RNF152: variants seen among roughly 807,000 people sequenced by gnomAD.
RNF152 encodes E3 ubiquitin-protein ligase RNF152.
In RNF152, 11 loss-of-function variants were observed where a neutral mutation model predicts 12.7. The observed-to-expected ratio is 0.86, with a 90% CI of 0.54 to 1.43. The LOEUF is 1.43. Among genes scored for constraint, RNF152 ranks in the 40% most tolerant of loss-of-function variants. The pLI, the probability that RNF152 is intolerant of heterozygous loss-of-function variation, is 0.00. For missense variants in RNF152, 255 were observed against 274.8 expected, an observed-to-expected ratio of 0.93 and a Z score of 0.51; for synonymous variants, 113 against 120.3, an observed-to-expected ratio of 0.94 and a Z score of 0.40.
Position 61,813,302 on chromosome 18 carries a change from ACACACAC to A in RNF152, c.*2543_*2549del, listed in dbSNP as rs772341971. 1.8e-4 allele frequency: 27 copies of A among 151,482 alleles called. No homozygotes were observed. Among genetic ancestry groups the A allele is most frequent in the Non-Finnish European group, 3.2e-4 (22 of 67,884 alleles). The allele number at this position is 151,482 out of a possible 1,614,324, so 9.4% of individuals were successfully genotyped here. A position where few individuals can be genotyped will look rare whatever the true frequency, so the allele number is the denominator to read the frequency against. On this transcript the variant is annotated 3_prime_UTR_variant, in exon 2 of 2. Transcript: ENST00000312828. The stretch of plus-strand genomic sequence containing the variant: ...CTCACACACACACACACACACACAC[ACACACAC>A]ACACACATACACAAGAATGCACACC...
intron 1 of RNF152, among the ~76,000 whole-genome samples, chr18:61,848,238 C>CT (rs1393212439): frequency 6.6e-6 from 1 of 151,958 alleles, no homozygotes; most frequent in Non-Finnish European, 1.5e-5. Flanking sequence ...TCTGCCCTGT[C>CT]TCTCCCTCTC....
chr18:61,883,637 G>T (rs1053838341), intron 1 of RNF152, among the ~76,000 whole-genome samples: 1 of 152,158 alleles, frequency 6.6e-6, no homozygotes, highest in Admixed American at 6.5e-5. Flanking sequence ...AAAGTTCCAT[G>T]ACCCAGGTAT....
chr18:61,885,979 TGC>T (rs372103990), intron 1 of RNF152, among the ~76,000 whole-genome samples: 1 of 119,764 alleles, frequency 8.3e-6, no homozygotes. Flanking sequence ...TGCTTTCTTT[TGC>T]TTTCTTTTTT....
Position 61,826,581 on chromosome 18 carries a change from T to C in RNF152, c.-135-9983A>G, listed in dbSNP as rs1025877519. 1.1e-3 allele frequency among the ~76,000 whole-genome samples: 172 copies of C among 152,248 alleles called. 2 individuals are homozygous for C. Among genetic ancestry groups the C allele is most frequent in the Non-Finnish European group, 4.4e-4 (30 of 68,020 alleles). ...ATATAAACTTTTTTTCCTCTTTACA[T>C]GTTTTTGGTTACTTTCATTTGCACG... On this transcript the variant is annotated intron_variant, in intron 1 of 1. Transcript: ENST00000312828.
At position 61,813,756 on chromosome 18, in the gene RNF152, G is replaced by A. The variant is rs1464549806; in HGVS notation, c.*2096C>T. On this transcript the variant is annotated 3_prime_UTR_variant, in exon 2 of 2. Coordinates refer to ENST00000312828, the MANE Select transcript of RNF152 (RefSeq NM_173557.3). Reference sequence around the variant, plus strand: ...AAAATTGCAAGGGCAAAGTCTATTCGAAATGTAGCATTCTTAATGCAACAC... The same window carrying A: ...AAAATTGCAAGGGCAAAGTCTATTCAAAATGTAGCATTCTTAATGCAACAC... 3 of 152,142 alleles carry A rather than the reference G, an allele frequency of 2.0e-5. No individual in the cohort carries two copies. The highest frequency in any genetic ancestry group is 2.9e-5 in the Non-Finnish European group (2 of 68,022). 9.4% of individuals were successfully genotyped at this position (152,142 alleles called of 1,614,324 possible).
At position 61,815,933 on chromosome 18, in the gene RNF152, G is replaced by T. The variant is rs371471017; in HGVS notation, c.531C>A (p.Cys177Ter). 2.5e-5 allele frequency: 41 copies of T among 1,614,104 alleles called. No individual in the cohort carries two copies. Among genetic ancestry groups the T allele is most frequent in the Non-Finnish European group, 3.5e-5 (41 of 1,180,048 alleles). Residue 177 changes from cysteine to a stop codon, truncating the protein, a stop_gained, in exon 2 of 2, where the codon TGC becomes TGA. Transcript: ENST00000312828. LOFTEE classifies it high-confidence loss of function. ...CGATGCCGAGGAGGAAGACCAAGACGCAAGCCACCAAGATGACAGTGCACA... is the reference window on the plus strand; with the variant it reads ...CGATGCCGAGGAGGAAGACCAAGACTCAAGCCACCAAGATGACAGTGCACA... ...SGVCTVILVACVLVFLLGIVL... is the reference protein window; with the variant it reads ...SGVCTVILVA
intron 1 of RNF152, among the ~76,000 whole-genome samples, chr18:61,864,955 G>C (rs1193418509): frequency 6.6e-6 from 1 of 152,170 alleles, no homozygotes; most frequent in East Asian, 1.9e-4. Context: ...AGGAGGCGGA[G>C]GTTGCAGTGA....
chr18:61,815,720 C>G lies in RNF152; in HGVS notation c.*132G>C. The G allele has an allele frequency of 1.0e-6, 1 of 989,046 alleles. No individual in the cohort carries two copies. Among genetic ancestry groups the G allele is most frequent in the Non-Finnish European group, 1.5e-6 (1 of 658,632 alleles). The allele number at this position is 989,046 out of a possible 1,614,324, so 61.3% of individuals were successfully genotyped here. A position where few individuals can be genotyped will look rare whatever the true frequency, so the allele number is the denominator to read the frequency against. ...CCCTTTGTGTCTGTCTTGGGGTAAT[C>G]AAGAGGCAACCCAGAGGCCAGCGCT... is the stretch of plus-strand genomic sequence containing the variant. On this transcript the variant is annotated 3_prime_UTR_variant, in exon 2 of 2. Transcript: ENST00000312828.
chr18:61,870,711 C>T (rs1911951336), intron 1 of RNF152, among the ~76,000 whole-genome samples: 1 of 152,108 alleles, frequency 6.6e-6, no homozygotes, highest in Non-Finnish European at 1.5e-5. Flanking sequence ...GTTTATGGAC[C>T]TCATTTCTTT....
At position 61,884,814 on chromosome 18, in the gene RNF152, C is replaced by T. The variant is rs539170457; in HGVS notation, c.-136+7981G>A. On this transcript the variant is annotated intron_variant, in intron 1 of 1. Transcript: ENST00000312828. ...CTTCAGGTGATCTGCCTGCCTCAGCCTCCCAAAGTGCTGGGATTACAGGCG... is the reference window on the plus strand; with the variant it reads ...CTTCAGGTGATCTGCCTGCCTCAGCTTCCCAAAGTGCTGGGATTACAGGCG... 5.3e-5 allele frequency among the ~76,000 whole-genome samples: 8 copies of T among 152,356 alleles called. No homozygotes were observed. In the East Asian group the frequency reaches 1.3e-3, roughly 26 times the overall value.
At chr18:61,888,843 C>A (rs1351178471) in intron 1 of RNF152, 1 of 152,150 alleles carries the variant, frequency 6.6e-6, no homozygotes, top group African/African-American at 2.4e-5. Context: ...GTTTCCATGA[C>A]GTCACAATGG....
At chr18:61,859,952 G>A (rs993223187) in intron 1 of RNF152, among the ~76,000 whole-genome samples, 7 of 152,148 alleles carry the variant, frequency 4.6e-5, no homozygotes, top group Non-Finnish European at 8.8e-5. Flanking sequence ...TTTGGAAAAC[G>A]GGTCACTGCA....
At chr18:61,844,492 G>A (rs1354119878) in intron 1 of RNF152, among the ~76,000 whole-genome samples, 1 of 152,206 alleles carries the variant, frequency 6.6e-6, no homozygotes, top group Non-Finnish European at 1.5e-5. Flanking sequence ...TCGATCTGGT[G>A]GAAAAAGCCA....
intron 1 of RNF152, among the ~76,000 whole-genome samples, chr18:61,877,344 A>T (rs1365972902): frequency 6.6e-6 from 1 of 152,246 alleles, no homozygotes; most frequent in African/African-American, 2.4e-5. Context: ...CATGGCATTC[A>T]GCTGGACTAA....
At chr18:61,857,188 T>A (rs570356370) in intron 1 of RNF152, among the ~76,000 whole-genome samples, 1 of 152,128 alleles carries the variant, frequency 6.6e-6, no homozygotes, top group African/African-American at 2.4e-5. Flanking sequence ...GTCTCCATTA[T>A]CCCCAACACT....
In RNF152 at chr18:61,811,561, T is replaced by C. The variant is rs770097881; in HGVS notation, c.*4291A>G. 3 of 152,206 alleles carry C rather than the reference T, an allele frequency of 2.0e-5. No individual in the cohort carries two copies. Among genetic ancestry groups the C allele is most frequent in the Non-Finnish European group, 4.4e-5 (3 of 68,036 alleles). 9.4% of individuals were successfully genotyped at this position (152,206 alleles called of 1,614,324 possible). ...ATACTACCTACATTTTAGTTTGGCATCTGAAAAATGATGCCCACATATGCC... is the reference window on the plus strand; with the variant it reads ...ATACTACCTACATTTTAGTTTGGCACCTGAAAAATGATGCCCACATATGCC... On this transcript the variant is annotated 3_prime_UTR_variant, in exon 2 of 2. Transcript: ENST00000312828.
intron 1 of RNF152, among the ~76,000 whole-genome samples, chr18:61,862,102 G>A (rs1911514996): frequency 1.3e-5 from 2 of 152,276 alleles, no homozygotes; most frequent in South Asian, 2.1e-4. Context: ...CTAAGCTGGG[G>A]AAGGACCATG....
chr18:61,877,664 T>C (rs1260180327), intron 1 of RNF152, among the ~76,000 whole-genome samples: 1 of 152,212 alleles, frequency 6.6e-6, no homozygotes, highest in Admixed American at 6.5e-5. Context: ...TAACAAATAT[T>C]ATCATCATCT....
chr18:61,835,651 A>C (rs1599278690), intron 1 of RNF152, among the ~76,000 whole-genome samples: 1 of 152,236 alleles, frequency 6.6e-6, no homozygotes, highest in East Asian at 1.9e-4. Flanking sequence ...AATTAAATAC[A>C]AACAGAAACA....
Sources: allele counts gnomAD v4.1 joint callset (sites outside exome capture counted in the v4.1 genomes callset), GRCh38; gene constraint gnomAD v4.1.1; transcripts MANE v1.5; gene names NCBI Gene and HGNC (gene_info 2026-07-23, HGNC 2026-07-21).